MEF2C: variants seen among roughly 807,000 people sequenced by gnomAD.
MEF2C encodes myocyte-specific enhancer factor 2C.
MEF2C carries 6 observed loss-of-function variants against 50.5 expected under a neutral mutation model. That is an observed-to-expected ratio of 0.12 (90% CI 0.07 to 0.23). The LOEUF is 0.23. MEF2C is among the 10% of genes least tolerant of loss of function. MEF2C has a pLI of 1.00. For synonymous variants in MEF2C, 183 were observed against 228.0 expected (o/e 0.80, Z 1.78); for missense variants, 276 against 605.0 (o/e 0.46, Z 5.70).
rs929573420 is a variant in MEF2C, at chr5:88,823,594, G to T, written c.54+141C>A. ...CTCCTTTATATATAAGAGACTATCA[G>T]CACTTTAACTGGTCACATTTAATTA... On this transcript the variant is annotated intron_variant, in intron 2 of 10. Transcript: ENST00000504921. 4.5e-6 allele frequency: 3 copies of T among 669,146 alleles called. No homozygotes were observed. The East Asian group carries it at 8.5e-5, about 19-fold the overall frequency. The allele number at this position is 669,146 out of a possible 1,614,324, so 41.5% of individuals were successfully genotyped here. A position where few individuals can be genotyped will look rare whatever the true frequency, so the allele number is the denominator to read the frequency against.
chr5:88,819,444 T>G, intron 2 of MEF2C: 1 of 907,910 alleles, frequency 1.1e-6, no homozygotes, highest in Non-Finnish European at 1.3e-6. Flanking sequence ...CTCATTTCTC[T>G]ACAGTCATAC....
chr5:88,733,391 T>G (rs41352752), intron 6 of MEF2C: 2 of 982,948 alleles, frequency 2.0e-6, no homozygotes, highest in African/African-American at 3.5e-5. Context: ...TAAAAGTCCT[T>G]GGGTTTATAT....
intron 4 of MEF2C, among the ~76,000 whole-genome samples, chr5:88,759,363 T>G (rs1233181778): frequency 6.6e-6 from 1 of 152,176 alleles, no homozygotes; most frequent in African/African-American, 2.4e-5. Flanking sequence ...ATGCTTGTAA[T>G]CCTAGCTATT....
At chr5:88,791,592 A>AAGC (rs1793775312) in intron 3 of MEF2C, among the ~76,000 whole-genome samples, 1 of 152,158 alleles carries the variant, frequency 6.6e-6, no homozygotes, top group Admixed American at 6.5e-5. Context: ...ATGAGATGTG[A>AAGC]AGCAGCTCTT....
At chr5:88,864,140 T>G (rs1044997598) in intron 1 of MEF2C, among the ~76,000 whole-genome samples, 15 of 52,386 alleles carry the variant, frequency 2.9e-4, no homozygotes, top group South Asian at 6.6e-4. Flanking sequence ...ATGTTTTCTG[T>G]TTTTTTTTTT....
chr5:88,838,598 T>C (rs2153292626), intron 1 of MEF2C: 1 of 985,270 alleles, frequency 1.0e-6, no homozygotes, highest in Non-Finnish European at 1.2e-6. Context: ...TACACAGATA[T>C]CTCATCCCCA....
At chr5:88,843,435 C>T (rs547358623) in intron 1 of MEF2C, 1 of 985,086 alleles carries the variant, frequency 1.0e-6, no homozygotes, top group South Asian at 4.7e-5. Context: ...TCTATTGAGA[C>T]ATTGCAAAAA....
chr5:88,835,947 G>A (rs1392643666), intron 1 of MEF2C, among the ~76,000 whole-genome samples: 3 of 151,970 alleles, frequency 2.0e-5, no homozygotes, highest in Non-Finnish European at 4.4e-5. Context: ...TTAAGGAAAG[G>A]TCAAAATTTC....
intron 3 of MEF2C, chr5:88,766,890 AT>A: frequency 7.8e-6 from 7 of 900,834 alleles, no homozygotes; most frequent in Non-Finnish European, 9.3e-6. Context: ...ATCCTGAATC[AT>A]TTTTTTGCTT....
chr5:88,893,034 T>C (rs959333019), intron 1 of MEF2C, among the ~76,000 whole-genome samples: 6 of 152,180 alleles, frequency 3.9e-5, no homozygotes, highest in African/African-American at 1.4e-4. Flanking sequence ...CTGTACCATT[T>C]CTTGAAAAAC....
intron 3 of MEF2C, among the ~76,000 whole-genome samples, chr5:88,797,120 T>C (rs1361818114): frequency 6.6e-6 from 1 of 152,124 alleles, no homozygotes; most frequent in African/African-American, 2.4e-5. Flanking sequence ...GGGTAGAGAG[T>C]TCTGTAGATG....
intron 6 of MEF2C, chr5:88,734,004 A>G (rs983135864): frequency 2.4e-5 from 24 of 985,134 alleles, no homozygotes; most frequent in Non-Finnish European, 2.9e-5. Flanking sequence ...ACATAAAACA[A>G]TGCATTTACT....
rs970551943 is a variant in MEF2C at position 88,816,664 on chromosome 5, T to A, written c.54+7071A>T. ...TGCATGAGGAGCTTTTAAGAAGGCA[T>A]CCCCAATATGTGGCAATAGACCCTA... is the stretch of plus-strand genomic sequence containing the variant. On this transcript the variant is annotated intron_variant, in intron 2 of 10. Transcript: ENST00000504921. 2.0e-5 allele frequency among the ~76,000 whole-genome samples: 3 copies of A among 151,886 alleles called. No homozygotes were observed. In the East Asian group the frequency reaches 5.8e-4, roughly 30 times the overall value.
At chr5:88,756,092 T>C (rs1010692926) in intron 4 of MEF2C, among the ~76,000 whole-genome samples, 6 of 152,244 alleles carry the variant, frequency 3.9e-5, no homozygotes, top group African/African-American at 1.4e-4. Flanking sequence ...TCATAAAATA[T>C]ACCAAGATCA....
intron 1 of MEF2C, among the ~76,000 whole-genome samples, chr5:88,850,057 G>C (rs1024317653): frequency 1.3e-5 from 2 of 151,968 alleles, no homozygotes; most frequent in African/African-American, 2.4e-5. Context: ...TTTAACATTA[G>C]GTATATCTCC....
At chr5:88,826,709 A>G (rs1811018533) in intron 1 of MEF2C, among the ~76,000 whole-genome samples, 2 of 151,956 alleles carry the variant, frequency 1.3e-5, no homozygotes, top group Non-Finnish European at 2.9e-5. Flanking sequence ...TAATCTGTAA[A>G]ACTGTTTTGT....
chr5:88,738,530 C>A, intron 6 of MEF2C: 2 of 897,700 alleles, frequency 2.2e-6, no homozygotes, highest in Non-Finnish European at 2.7e-6. Flanking sequence ...TGTCAAACAG[C>A]TATCAACTGG....
At chr5:88,786,372 G>C (rs186746078) in intron 3 of MEF2C, among the ~76,000 whole-genome samples, 8 of 152,258 alleles carry the variant, frequency 5.3e-5, no homozygotes, top group Admixed American at 5.2e-4. Flanking sequence ...AAAAGTTGAA[G>C]AACTGATTAG....
At chr5:88,731,576 A>G (rs1761652220) in intron 7 of MEF2C, 153 bp downstream of exon 7, 3 of 674,380 alleles carry the variant, frequency 4.4e-6, no homozygotes, top group Non-Finnish European at 5.0e-6. Flanking sequence ...TACCAGAAAT[A>G]ATAGCTAAAT....
Sources: allele counts gnomAD v4.1 joint callset (sites outside exome capture counted in the v4.1 genomes callset), GRCh38; gene constraint gnomAD v4.1.1; transcripts MANE v1.5; gene names NCBI Gene and HGNC (gene_info 2026-07-23, HGNC 2026-07-21).